The following PCDHGA5 variants were observed in gnomAD, a reference collection of about 807,000 sequenced individuals.
The protein encoded by PCDHGA5 is protocadherin gamma subfamily A, 5, also known as protocadherin gamma-A5.
In PCDHGA5, 36 loss-of-function variants were observed where a neutral mutation model predicts 56.7. The observed-to-expected ratio is 0.64, with a 90% CI of 0.49 to 0.84. PCDHGA5 has a LOEUF of 0.84. PCDHGA5 is among the 40% of genes least tolerant of loss of function. The pLI, the probability that PCDHGA5 is intolerant of heterozygous loss-of-function variation, is 0.00. For synonymous variants in PCDHGA5, 563 were observed against 520.2 expected (o/e 1.08, Z -1.12); for missense variants, 1,305 against 1,201.5 (o/e 1.09, Z -1.27).
chr5:141,373,048 A>G (rs1215321006), intron 1 of PCDHGA5, among the ~76,000 whole-genome samples: 2 of 152,146 alleles, frequency 1.3e-5, no homozygotes, highest in African/African-American at 4.8e-5. Flanking sequence ...ATCCTAATAC[A>G]CTATAATCTG....
intron 1 of PCDHGA5, chr5:141,375,569 C>A (rs775153131): frequency 1.2e-6 from 2 of 1,613,970 alleles, no homozygotes; most frequent in East Asian, 2.2e-5. Context: ...AGAAGACACC[C>A]TCCAGGGGGC....
At chr5:141,433,398 T>TCTAC (rs1487149690) in intron 1 of PCDHGA5, among the ~76,000 whole-genome samples, 2 of 151,396 alleles carry the variant, frequency 1.3e-5, no homozygotes, top group Non-Finnish European at 2.9e-5. Context: ...TATCTATCTA[T>TCTAC]CTATCTATTA....
chr5:141,424,084 A>G, intron 1 of PCDHGA5: 1 of 929,764 alleles, frequency 1.1e-6, no homozygotes, highest in Non-Finnish European at 1.3e-6. Context: ...ATATTCCACC[A>G]TTATTTGCTA....
intron 1 of PCDHGA5, among the ~76,000 whole-genome samples, chr5:141,468,798 G>A (rs895012127): frequency 7.9e-5 from 12 of 151,646 alleles, no homozygotes; most frequent in East Asian, 2.0e-4. Context: ...CCCGGGAGGC[G>A]GAACTTGCAG....
intron 2 of PCDHGA5, 34 bp from the exon 3 acceptor site, chr5:141,505,359 G>T: frequency 1.9e-6 from 3 of 1,613,870 alleles, no homozygotes; most frequent in Non-Finnish European, 2.5e-6. Context: ...TGCCGGCCTG[G>T]GAGTCTGTGC....
chr5:141,431,364 G>A lies in PCDHGA5; in HGVS notation c.2422-63443G>A. 1 of 1,614,010 alleles carries A rather than the reference G, an allele frequency of 6.2e-7. No homozygotes were observed. The highest frequency in any genetic ancestry group is 8.5e-7 in the Non-Finnish European group (1 of 1,180,022). On this transcript the variant is annotated intron_variant, in intron 1 of 3. Coordinates refer to ENST00000518069, the MANE Select transcript of PCDHGA5 (RefSeq NM_018918.3). This position sits in a 1 kb window ranked among gnomAD's most constrained non-coding sequence, Gnocchi z 4.8. ...TTGGTGCTGAAACGCGCCCTGGACCGCGAAGAAAAGGCTGCTCACCACCTG... is the reference window on the plus strand; with the variant it reads ...TTGGTGCTGAAACGCGCCCTGGACCACGAAGAAAAGGCTGCTCACCACCTG...
At chr5:141,423,303 G>C (rs779246046) in intron 1 of PCDHGA5, 2 of 1,614,172 alleles carry the variant, frequency 1.2e-6, no homozygotes, top group Non-Finnish European at 1.7e-6. Flanking sequence ...ACCTCTCGCT[G>C]TACTTGGTGG....
chr5:141,506,253 G>A (rs1332023284), intron 3 of PCDHGA5, among the ~76,000 whole-genome samples: 2 of 151,862 alleles, frequency 1.3e-5, no homozygotes, highest in Non-Finnish European at 2.9e-5. Flanking sequence ...GTTCGAAACC[G>A]GCCTGGCCAA....
At chr5:141,426,538 C>T (rs1038881219) in intron 1 of PCDHGA5, 2 of 346,308 alleles carry the variant, frequency 5.8e-6, no homozygotes, top group Non-Finnish European at 1.2e-5. Context: ...TGGGAACATA[C>T]TTGTGAGTGA....
intron 1 of PCDHGA5, chr5:141,375,668 C>T: frequency 2.5e-6 from 4 of 1,614,258 alleles, no homozygotes; most frequent in Non-Finnish European, 3.4e-6. Context: ...GAGAGACCTA[C>T]AGCTGTGGGT....
At position 141,432,135 on chromosome 5, in the gene PCDHGA5, C is replaced by T; in HGVS notation, c.2422-62672C>T. On this transcript the variant is annotated intron_variant, in intron 1 of 3. Transcript: ENST00000518069. This position sits in a 1 kb window ranked among gnomAD's most constrained non-coding sequence, Gnocchi z 6.0. ...GTCTTCCCTCAGGCCTCCTATTCCGCTTATATCCCAGAGAACAATCCCAGA... is the reference window on the plus strand; with the variant it reads ...GTCTTCCCTCAGGCCTCCTATTCCGTTTATATCCCAGAGAACAATCCCAGA... The T allele has an allele frequency of 6.2e-7, 1 of 1,614,140 alleles. No homozygotes were observed. Among genetic ancestry groups the T allele is most frequent in the Non-Finnish European group, 8.5e-7 (1 of 1,180,026 alleles).
intron 1 of PCDHGA5, chr5:141,384,465 T>A (rs1561602415): frequency 6.2e-7 from 1 of 1,614,118 alleles, no homozygotes; most frequent in Non-Finnish European, 8.5e-7. Flanking sequence ...CCTTTGATTA[T>A]GAGCAGTTGA....
intron 1 of PCDHGA5, chr5:141,376,307 G>C: frequency 6.2e-7 from 1 of 1,614,192 alleles, no homozygotes; most frequent in Non-Finnish European, 8.5e-7. Flanking sequence ...GCACTTTGTG[G>C]GCGTGGAAGG....
At position 141,366,680 on chromosome 5, in the gene PCDHGA5, A is replaced by T. The variant is rs747876337; in HGVS notation, c.2350A>T (p.Ser784Cys). ...NYADTLLSEE[S>C]CEKSEPLLMS... Reference sequence around the variant, plus strand: ...CGCAGACACGCTCCTTAGTGAAGAGAGCTGTGAGAAAAGCGAGCCTCTTCT... The same window carrying T: ...CGCAGACACGCTCCTTAGTGAAGAGTGCTGTGAGAAAAGCGAGCCTCTTCT... The change falls in exon 1 of 4, where the codon AGC becomes TGC. Residue 784 changes from serine to cysteine, a missense_variant. By Grantham distance (112) the Ser-to-Cys change is moderately radical (BLOSUM62 -1). Transcript: ENST00000518069. 1.3e-5 allele frequency: 21 copies of T among 1,614,096 alleles called. No individual in the cohort carries two copies. The East Asian group carries it at 4.2e-4, about 33-fold the overall frequency.
Position 141,486,177 on chromosome 5 carries a change from G to A in PCDHGA5, c.2422-8630G>A. The A allele has an allele frequency of 6.2e-7, 1 of 1,614,222 alleles. No individual in the cohort carries two copies. Among genetic ancestry groups the A allele is most frequent in the Non-Finnish European group, 8.5e-7 (1 of 1,180,042 alleles). ...TCTCCAGCCATGGAGCAACATTGCA[G>A]CCTTCGAGTGGATCTGCTGGACGTA... On this transcript the variant is annotated intron_variant, in intron 1 of 3. Coordinates refer to ENST00000518069, the MANE Select transcript of PCDHGA5 (RefSeq NM_018918.3). The surrounding 1 kb of genome is among the most constrained non-coding windows in gnomAD (Gnocchi z 5.0).
At chr5:141,449,630 T>A (rs1006977026) in intron 1 of PCDHGA5, among the ~76,000 whole-genome samples, 6 of 150,024 alleles carry the variant, frequency 4.0e-5, no homozygotes, top group Non-Finnish European at 8.9e-5. Flanking sequence ...TTTAAAAAGA[T>A]GTATCTATAT....
intron 1 of PCDHGA5, among the ~76,000 whole-genome samples, chr5:141,386,696 G>A (rs2090675281): frequency 6.6e-6 from 1 of 152,096 alleles, no homozygotes; most frequent in African/African-American, 2.4e-5. Context: ...ACTTGGGGTA[G>A]AAGACAATGT....
intron 2 of PCDHGA5, among the ~76,000 whole-genome samples, chr5:141,504,786 C>A (rs568185327): frequency 6.6e-6 from 1 of 152,014 alleles, no homozygotes; most frequent in South Asian, 2.1e-4. Context: ...TCTCTTGGGG[C>A]CTCCTACATC....
intron 1 of PCDHGA5, chr5:141,375,075 C>T (rs772132262): frequency 6.2e-6 from 10 of 1,613,926 alleles, no homozygotes; most frequent in East Asian, 4.5e-5. Flanking sequence ...CGAGACAGAG[C>T]GAAAGTCTTA....
Sources: allele counts gnomAD v4.1 joint callset (sites outside exome capture counted in the v4.1 genomes callset), GRCh38; gene constraint gnomAD v4.1.1; non-coding constraint Gnocchi (gnomAD v3.1); transcripts MANE v1.5; gene names NCBI Gene and HGNC (gene_info 2026-07-23, HGNC 2026-07-21).